Variants in DPT observed in about 807,000 individuals in gnomAD.
DPT encodes tyrosine-rich acidic matrix protein.
In DPT, 21 loss-of-function variants were observed where a neutral mutation model predicts 31.2. That is an observed-to-expected ratio of 0.67 (90% CI 0.48 to 0.97). The LOEUF (loss-of-function observed/expected upper bound fraction) is 0.97. Among genes scored for constraint, DPT ranks in the 50% least tolerant of loss-of-function variants. The pLI, the probability that DPT is intolerant of heterozygous loss-of-function variation, is 0.00. For synonymous variants in DPT, 91 were observed against 86.9 expected, an observed-to-expected ratio of 1.05 and a Z score of -0.26; for missense variants, 262 against 258.8, an observed-to-expected ratio of 1.01 and a Z score of -0.08.
intron 1 of DPT, among the ~76,000 whole-genome samples, chr1:168,720,755 C>A (rs554363635): frequency 1.3e-5 from 2 of 152,300 alleles, no homozygotes; most frequent in African/African-American, 4.8e-5. Context: ...TCCCAAATTT[C>A]TTTCCCGCCC....
chr1:168,727,104 T>C (rs1268262267), intron 1 of DPT, among the ~76,000 whole-genome samples: 1 of 152,230 alleles, frequency 6.6e-6, no homozygotes, highest in Non-Finnish European at 1.5e-5. Context: ...AGAACTGCCC[T>C]GAATCTGGTC....
chr1:168,703,807 A>C (rs1173600412), intron 2 of DPT, among the ~76,000 whole-genome samples: 2 of 152,170 alleles, frequency 1.3e-5, no homozygotes, highest in Non-Finnish European at 2.9e-5. Context: ...TAGAAAGTGA[A>C]CCTCCCAAAC....
At chr1:168,725,743 C>T (rs1445618694) in intron 1 of DPT, among the ~76,000 whole-genome samples, 2 of 152,176 alleles carry the variant, frequency 1.3e-5, no homozygotes, top group Non-Finnish European at 2.9e-5. Flanking sequence ...GATGGCAACA[C>T]CTTTTAAAGA....
chr1:168,705,333 CTCTT>C (rs1649695364), intron 2 of DPT, among the ~76,000 whole-genome samples: 1 of 152,158 alleles, frequency 6.6e-6, no homozygotes, highest in Admixed American at 6.5e-5. Flanking sequence ...CTGGAAGCTC[CTCTT>C]TCAGGACTTT....
intron 1 of DPT, among the ~76,000 whole-genome samples, chr1:168,725,868 C>T (rs1330278563): frequency 1.3e-5 from 2 of 152,288 alleles, no homozygotes; most frequent in East Asian, 3.9e-4. Flanking sequence ...TTTGGTTATA[C>T]AAGGCAGCCC....
chr1:168,726,778 G>A (rs1213587500), intron 1 of DPT, among the ~76,000 whole-genome samples: 1 of 152,238 alleles, frequency 6.6e-6, no homozygotes, highest in Non-Finnish European at 1.5e-5. Context: ...TAGGCAGTGG[G>A]CCTGGCTGTG....
At chr1:168,713,515 C>T (rs1397637962) in intron 2 of DPT, among the ~76,000 whole-genome samples, 11 of 152,136 alleles carry the variant, frequency 7.2e-5, no homozygotes, top group African/African-American at 2.4e-4. Flanking sequence ...GGCAGAAATG[C>T]CTGGCTCATT....
chr1:168,715,762 A>G (rs1649968588), intron 1 of DPT, among the ~76,000 whole-genome samples: 1 of 152,212 alleles, frequency 6.6e-6, no homozygotes, highest in African/African-American at 2.4e-5. Flanking sequence ...GATGAAATCC[A>G]GTGGATTTCC....
At chr1:168,718,038 T>G (rs1375859181) in intron 1 of DPT, among the ~76,000 whole-genome samples, 1 of 152,196 alleles carries the variant, frequency 6.6e-6, no homozygotes, top group Non-Finnish European at 1.5e-5. Context: ...AAAGAGAAGG[T>G]TGCCATAAGC....
intron 1 of DPT, among the ~76,000 whole-genome samples, chr1:168,727,103 C>T (rs1650263311): frequency 1.3e-5 from 2 of 152,212 alleles, no homozygotes; most frequent in Admixed American, 1.3e-4. Flanking sequence ...AAGAACTGCC[C>T]TGAATCTGGT....
Position 168,714,332 on chromosome 1 carries a change from G to A in DPT, c.320C>T (p.Ser107Phe). Residue 107 changes from serine to phenylalanine, a missense_variant, in exon 2 of 4, where the codon TCC (serine) becomes TTC (phenylalanine). Ser to Phe is a radical substitution (Grantham distance 155). Transcript: ENST00000367817. ...RAGMEWYQTC[S>F]NNGLVAGFQS... The stretch of plus-strand genomic sequence containing the variant: ...GAATCCTGCCACCAGCCCATTGTTG[G>A]AGCACGTCTGGTACCTGAAGAGAAG... 6.2e-7 allele frequency: 1 copy of A among 1,614,042 alleles called. No individual in the cohort carries two copies. The highest frequency in any genetic ancestry group is 1.1e-5 in the South Asian group (1 of 91,058).
Position 168,696,803 on chromosome 1 carries a change from T to C in DPT, c.540-188A>G, listed in dbSNP as rs541035031. Among the ~76,000 whole-genome samples the C allele has an allele frequency of 1.6e-4, 24 of 152,288 alleles. No homozygotes were observed. The South Asian group carries it at 5.0e-3, about 32-fold the overall frequency. On this transcript the variant is annotated intron_variant, in intron 3 of 3. Transcript: ENST00000367817. ...GAACCGACAAATCTGTGAGTTCAGG[T>C]CACCCTTGAAGGTGACTAATTAGGT... is the stretch of plus-strand genomic sequence containing the variant.
intron 1 of DPT, among the ~76,000 whole-genome samples, chr1:168,718,215 G>A (rs145105801): frequency 1.3e-5 from 2 of 152,328 alleles, no homozygotes; most frequent in Non-Finnish European, 2.9e-5. Context: ...GCTCCCATGG[G>A]GGTAAGTTCC....
At chr1:168,725,087 T>A (rs1049901252) in intron 1 of DPT, among the ~76,000 whole-genome samples, 11 of 152,192 alleles carry the variant, frequency 7.2e-5, no homozygotes, top group African/African-American at 2.7e-4. Context: ...TAGGCATTTG[T>A]TTTAGACTTC....
In DPT at chr1:168,696,581, T is replaced by G; in HGVS notation, c.574A>C (p.Thr192Pro). The G allele has an allele frequency of 6.2e-7, 1 of 1,614,068 alleles. No individual in the cohort carries two copies. The highest frequency in any genetic ancestry group is 8.5e-7 in the Non-Finnish European group (1 of 1,179,986). ...RQWKFIMCRM[T>P]EYDCEFANV ...TTTGCAAATTCACAGTCGTATTCAGTCATCCGGCACATTATGAACTTCCAC... is the reference window on the plus strand; with the variant it reads ...TTTGCAAATTCACAGTCGTATTCAGGCATCCGGCACATTATGAACTTCCAC... Residue 192 changes from threonine (T) to proline (P), a missense_variant, in exon 4 of 4, where the codon ACT becomes CCT. Thr to Pro is a conservative substitution (Grantham distance 38). Coordinates refer to ENST00000367817, the MANE Select transcript of DPT (RefSeq NM_001937.5).
At chr1:168,717,982 C>T (rs966341549) in intron 1 of DPT, among the ~76,000 whole-genome samples, 10 of 152,190 alleles carry the variant, frequency 6.6e-5, no homozygotes, top group African/African-American at 2.4e-4. Context: ...GAGGTAATTT[C>T]AATATGAAGC....
intron 2 of DPT, among the ~76,000 whole-genome samples, chr1:168,710,843 AACAG>A (rs1405379360): frequency 6.6e-6 from 1 of 152,118 alleles, no homozygotes; most frequent in Non-Finnish European, 1.5e-5. Flanking sequence ...CATTCAAATA[AACAG>A]ACAGGATAAG....
intron 3 of DPT, among the ~76,000 whole-genome samples, chr1:168,699,278 A>G (rs955393031): frequency 6.6e-6 from 1 of 152,174 alleles, no homozygotes; most frequent in Non-Finnish European, 1.5e-5. Flanking sequence ...TGGCCCTGCT[A>G]AATGACAACC....
At chr1:168,701,956 C>CCTCTTCCTCCTTTCCTTTCCTT (rs1402083060) in intron 2 of DPT, among the ~76,000 whole-genome samples, 2,059 of 152,156 alleles carry the variant, frequency 0.014, 52 homozygotes, top group African/African-American at 0.047. Flanking sequence ...GTTTCTTCTT[C>CCTCTTCCTCCTTTCCTTTCCTT]CTCTTCCTCC....
Sources: gnomAD v4.1 joint callset for allele counts (sites outside exome capture counted in the v4.1 genomes callset) on GRCh38, gnomAD v4.1.1 for gene constraint, MANE v1.5 for transcripts, NCBI Gene and HGNC (gene_info 2026-07-23, HGNC 2026-07-21) for gene names.